SECTM1: variants seen among roughly 807,000 people sequenced by gnomAD.
The protein encoded by SECTM1 is secreted and transmembrane 1, also known as secreted and transmembrane protein 1.
SECTM1 carries 10 observed loss-of-function variants against 18.1 expected under a neutral mutation model. That is an observed-to-expected ratio of 0.55 (90% confidence interval 0.34 to 0.94). The LOEUF (loss-of-function observed/expected upper bound fraction) is 0.94. SECTM1 is among the 40% of genes least tolerant of loss of function. The pLI is 0.02. For synonymous variants in SECTM1, 137 were observed against 139.2 expected (o/e 0.98, Z 0.11); for missense variants, 297 against 322.6 (o/e 0.92, Z 0.61).
At chr17:82,331,805 G>A (rs1020992473) in intron 1 of SECTM1, among the ~76,000 whole-genome samples, 6 of 152,246 alleles carry the variant, frequency 3.9e-5, no homozygotes, top group Admixed American at 1.3e-4. Context: ...CCTGGCACAG[G>A]GAGACCAGGT....
rs1331142681 is a variant in SECTM1, at chr17:82,326,802, C to T, written c.94+345G>A. Among the ~76,000 whole-genome samples the T allele has an allele frequency of 6.6e-6, 1 of 152,136 alleles. No individual in the cohort carries two copies. On this transcript the variant is annotated intron_variant, in intron 2 of 4. Transcript: ENST00000269389. This position sits in a 1 kb window ranked among gnomAD's most constrained non-coding sequence, Gnocchi z 4.3. ...GTCTGTTCCCGGCCATGGCACAGGTCGCAACTGACCCAGACCCTCTCCCTT... is the reference window on the plus strand; with the variant it reads ...GTCTGTTCCCGGCCATGGCACAGGTTGCAACTGACCCAGACCCTCTCCCTT...
rs1479279860 is a variant in SECTM1 at position 82,328,010 on chromosome 17, C to G, written c.-52-718G>C. The G allele has an allele frequency of 6.8e-6, 1 of 147,100 alleles. No individual in the cohort carries two copies. The highest frequency in any genetic ancestry group is 1.5e-5 in the Non-Finnish European group (1 of 66,552). 9.1% of individuals were successfully genotyped at this position (147,100 alleles called of 1,614,324 possible). On this transcript the variant is annotated intron_variant, in intron 1 of 4. Transcript: ENST00000269389. The surrounding 1 kb of genome is among the most constrained non-coding windows in gnomAD (Gnocchi z 5.8). ...TCCATCAGCCTCCCCGGCCTGTCCA[C>G]CAGCCCCCCCACCACCCTGCCCGTC...
chr17:82,325,920 T>C lies in SECTM1; in HGVS notation c.95-1030A>G, dbSNP rs933751903. Among the ~76,000 whole-genome samples, 3 of 152,168 alleles carry C rather than the reference T, an allele frequency of 2.0e-5. No homozygotes were observed. Among genetic ancestry groups the C allele is most frequent in the South Asian group, 2.1e-4 (1 of 4,832 alleles). On this transcript the variant is annotated intron_variant, in intron 2 of 4. Coordinates refer to ENST00000269389, the MANE Select transcript of SECTM1 (RefSeq NM_003004.3). This position sits in a 1 kb window ranked among gnomAD's most constrained non-coding sequence, Gnocchi z 7.6. ...ATACAAAACCACATGGTGGGTGCCA[T>C]GTGCTGGCAAGTGCCAGGGGCCTTG...
At chr17:82,331,338 G>A (rs929639802) in intron 1 of SECTM1, among the ~76,000 whole-genome samples, 3 of 152,174 alleles carry the variant, frequency 2.0e-5, no homozygotes, top group African/African-American at 4.8e-5. Flanking sequence ...TGCGGACCAT[G>A]CGTGGCCCCA....
Position 82,322,034 on chromosome 17 carries a change from A to G in SECTM1, c.*127T>C. ...CTGCACGCACCCAGGAGTGGGTGAC[A>G]CAGAGGCCCAGCCTGCCAAGCAAGC... On this transcript the variant is annotated 3_prime_UTR_variant, in exon 5 of 5. Transcript: ENST00000269389. The G allele has an allele frequency of 1.2e-6, 1 of 847,488 alleles. No individual in the cohort carries two copies. The highest frequency in any genetic ancestry group is 1.9e-6 in the Non-Finnish European group (1 of 530,570). The allele number at this position is 847,488 out of a possible 1,614,324, so 52.5% of individuals were successfully genotyped here.
chr17:82,325,500 C>G lies in SECTM1; in HGVS notation c.95-610G>C, dbSNP rs988931640. ...TTGTGCCACCCCCAACATTCCCTTT[C>G]CCCTCCCGGCCACCCGCTCAGCTCC... is the stretch of plus-strand genomic sequence containing the variant. On this transcript the variant is annotated intron_variant, in intron 2 of 4. Transcript: ENST00000269389. This position sits in a 1 kb window ranked among gnomAD's most constrained non-coding sequence, Gnocchi z 7.6. Among the ~76,000 whole-genome samples, 3 of 152,240 alleles carry G rather than the reference C, an allele frequency of 2.0e-5. No homozygotes were observed. Among genetic ancestry groups the G allele is most frequent in the African/African-American group, 4.8e-5 (2 of 41,474 alleles).
chr17:82,327,501 G>C (rs765889510), intron 1 of SECTM1, among the ~76,000 whole-genome samples: 5 of 152,198 alleles, frequency 3.3e-5, no homozygotes, highest in African/African-American at 9.7e-5. Context: ...GAAGACACGC[G>C]GGGGCGGGAG....
At position 82,333,603 on chromosome 17, in the gene SECTM1, C is replaced by CCCAGCACCGAG. The variant is rs1419276530; in HGVS notation, c.-53+96_-53+97insCTCGGTGCTGG. On this transcript the variant is annotated intron_variant, in intron 1 of 4. Transcript: ENST00000269389. ...AGCACCGAGTCCCCAGCACCGGGCC[C>CCCAGCACCGAG]TCAGCACCGAGTCCCCAGCACCGAG... 8.9e-4 allele frequency: 165 copies of CCCAGCACCGAG among 186,078 alleles called. 5 individuals carry two copies. Among genetic ancestry groups the CCCAGCACCGAG allele is most frequent in the South Asian group, 8.5e-4 (11 of 12,884 alleles). The allele number at this position is 186,078 out of a possible 1,614,324, so 11.5% of individuals were successfully genotyped here. A position where few individuals can be genotyped will look rare whatever the true frequency, so the allele number is the denominator to read the frequency against.
At chr17:82,323,542 A>C (rs2052116912) in intron 3 of SECTM1, among the ~76,000 whole-genome samples, 2 of 143,590 alleles carry the variant, frequency 1.4e-5, no homozygotes, top group South Asian at 2.4e-4. Context: ...CTTTGCAGGA[A>C]AGGGAGGGGA....
chr17:82,321,815 TGGAGAGAGC>T lies in SECTM1; in HGVS notation c.*337_*345del. On this transcript the variant is annotated 3_prime_UTR_variant, in exon 5 of 5. Transcript: ENST00000269389. ...TCACTTGGGCGCGGAGCCCTGGGAGTGGAGAGAGCGGACCCCACACCTGGGGCCGGACCA... is the reference window on the plus strand; with the variant it reads ...TCACTTGGGCGCGGAGCCCTGGGAGTGGACCCCACACCTGGGGCCGGACCA... 3.9e-6 allele frequency: 1 copy of T among 259,404 alleles called. No homozygotes were observed. The highest frequency in any genetic ancestry group is 7.6e-6 in the Non-Finnish European group (1 of 132,370). The allele number at this position is 259,404 out of a possible 1,614,324, so 16.1% of individuals were successfully genotyped here. A position where few individuals can be genotyped will look rare whatever the true frequency, so the allele number is the denominator to read the frequency against.
chr17:82,322,515 C>T, intron 4 of SECTM1, 145 bp from the exon 5 acceptor site: 1 of 825,456 alleles, frequency 1.2e-6, no homozygotes, highest in East Asian at 2.7e-5. Flanking sequence ...CGCCTGGGTT[C>T]TGAAACTGCT....
intron 4 of SECTM1, 143 bp downstream of exon 4, chr17:82,322,735 G>A (rs1451472040): frequency 1.3e-5 from 14 of 1,066,224 alleles, no homozygotes; most frequent in East Asian, 1.3e-4. Flanking sequence ...GGCCCCTGGC[G>A]GGGACTGGCT....
chr17:82,328,717 C>T lies in SECTM1; in HGVS notation c.-52-1425G>A, dbSNP rs988161198. Among the ~76,000 whole-genome samples, 2 of 152,196 alleles carry T rather than the reference C, an allele frequency of 1.3e-5. No homozygotes were observed. The highest frequency in any genetic ancestry group is 4.8e-5 in the African/African-American group (2 of 41,442). ...CCTGGGTCTGTTCCAGGTGGGGCAG[C>T]GGGTAAGGCCCAGCAGGAGCCCTGG... On this transcript the variant is annotated intron_variant, in intron 1 of 4. Coordinates refer to ENST00000269389, the MANE Select transcript of SECTM1 (RefSeq NM_003004.3). The surrounding 1 kb of genome is among the most constrained non-coding windows in gnomAD (Gnocchi z 5.8).
chr17:82,327,923 C>A (rs1321656161), intron 1 of SECTM1, among the ~76,000 whole-genome samples: 3 of 147,350 alleles, frequency 2.0e-5, no homozygotes, highest in Non-Finnish European at 3.0e-5. Flanking sequence ...CTGCAGCCAG[C>A]GGCCCCCCCA....
chr17:82,327,388 G>T (rs1011500311), intron 1 of SECTM1, 96 bp from the exon 2 acceptor site: 2 of 693,690 alleles, frequency 2.9e-6, no homozygotes, highest in East Asian at 2.9e-5. Flanking sequence ...GAGGCTGGGG[G>T]TCCCCGAGCT....
In SECTM1 at chr17:82,325,004, T is replaced by G; in HGVS notation, c.95-114A>C. ...GAGACAGGGCCTCTAAGGGACACAG[T>G]GAACTATGTATACATCCACCCGACC... On this transcript the variant is annotated intron_variant, in intron 2 of 4. Coordinates refer to ENST00000269389, the MANE Select transcript of SECTM1 (RefSeq NM_003004.3). This position sits in a 1 kb window ranked among gnomAD's most constrained non-coding sequence, Gnocchi z 7.6. 1 of 946,046 alleles carries G rather than the reference T, an allele frequency of 1.1e-6. No individual in the cohort carries two copies. Among genetic ancestry groups the G allele is most frequent in the Non-Finnish European group, 1.6e-6 (1 of 641,080 alleles). The allele number at this position is 946,046 out of a possible 1,614,324, so 58.6% of individuals were successfully genotyped here.
chr17:82,324,040 G>C (rs2052122796), intron 3 of SECTM1, among the ~76,000 whole-genome samples: 1 of 152,034 alleles, frequency 6.6e-6, no homozygotes, highest in South Asian at 2.1e-4. Flanking sequence ...GGTCACTAAG[G>C]GTGCTGCGCG....
At position 82,321,908 on chromosome 17, in the gene SECTM1, G is replaced by A; in HGVS notation, c.*253C>T. The A allele has an allele frequency of 1.9e-6, 1 of 515,126 alleles. No individual in the cohort carries two copies. Among genetic ancestry groups the A allele is most frequent in the Non-Finnish European group, 3.5e-6 (1 of 286,600 alleles). 31.9% of individuals were successfully genotyped at this position (515,126 alleles called of 1,614,324 possible). ...GGGTTTGATGAGGGCAGAGGGAGGG[G>A]CATGCGTCCTGGTAAGTCGGGTGCT... On this transcript the variant is annotated 3_prime_UTR_variant, in exon 5 of 5. Coordinates refer to ENST00000269389, the MANE Select transcript of SECTM1 (RefSeq NM_003004.3).
At chr17:82,323,819 G>A (rs1438865185) in intron 3 of SECTM1, among the ~76,000 whole-genome samples, 6 of 151,810 alleles carry the variant, frequency 4.0e-5, no homozygotes, top group Admixed American at 2.0e-4. Context: ...TGCCTGTGTC[G>A]GGGGAGCTGA....
Sources: gnomAD v4.1 joint callset for allele counts (sites outside exome capture counted in the v4.1 genomes callset) on GRCh38, gnomAD v4.1.1 for gene constraint, Gnocchi (gnomAD v3.1) non-coding constraint, MANE v1.5 for transcripts, NCBI Gene and HGNC (gene_info 2026-07-23, HGNC 2026-07-21) for gene names.